Variants in CCPG1 observed in about 807,000 individuals in gnomAD.
CCPG1 encodes cell cycle progression protein 1.
In CCPG1, 46 loss-of-function variants were observed where a neutral mutation model predicts 81.3. The observed-to-expected ratio is 0.57, with a 90% CI of 0.45 to 0.72. The LOEUF (loss-of-function observed/expected upper bound fraction) is 0.72, where lower values mean the gene tolerates loss of function less well. Among genes scored for constraint, CCPG1 ranks in the 30% least tolerant of loss-of-function variants. The probability of loss-of-function intolerance (pLI) is 0.00; values close to 1 mark genes in which losing one functional copy is unlikely to be tolerated. For synonymous variants in CCPG1, 330 were observed against 305.2 expected, an observed-to-expected ratio of 1.08 and a Z score of -0.85; for missense variants, 902 against 937.6, an observed-to-expected ratio of 0.96 and a Z score of 0.50.
chr15:55,358,568 C>T (rs2056129167), intron 8 of CCPG1: 2 of 985,314 alleles, frequency 2.0e-6, no homozygotes, highest in African/African-American at 1.7e-5. Context: ...AAATTCCCTT[C>T]CCTGTCTGCA....
At chr15:55,400,285 C>T (rs994927667) in intron 1 of CCPG1, among the ~76,000 whole-genome samples, 4 of 142,570 alleles carry the variant, frequency 2.8e-5, no homozygotes, top group East Asian at 2.1e-4. Flanking sequence ...CCGAAGTGGG[C>T]GGATCACGAG....
At chr15:55,369,110 T>TA (rs2056393718) in intron 6 of CCPG1, among the ~76,000 whole-genome samples, 6 of 137,544 alleles carry the variant, frequency 4.4e-5, no homozygotes. Flanking sequence ...AGACTCTGTC[T>TA]CAAAAAAAAA....
intron 1 of CCPG1, among the ~76,000 whole-genome samples, chr15:55,405,858 T>C (rs72744169): frequency 0.23 from 35,576 of 152,198 alleles, 5,295 homozygotes; most frequent in Non-Finnish European, 0.34. Context: ...CTGTGTTTTT[T>C]ACTGTTGTTG....
intron 8 of CCPG1, chr15:55,357,135 C>T: frequency 1.0e-6 from 1 of 977,806 alleles, no homozygotes. Context: ...GCCAACTAAC[C>T]CTCTCCACTT....
chr15:55,362,278 G>A (rs1423134135), intron 7 of CCPG1, among the ~76,000 whole-genome samples: 2 of 151,008 alleles, frequency 1.3e-5, no homozygotes, highest in Middle Eastern at 3.2e-3. Flanking sequence ...CAAACGTTAT[G>A]GTTACCCCAT....
At chr15:55,364,216 G>C (rs1398478247) in intron 7 of CCPG1, among the ~76,000 whole-genome samples, 1 of 150,512 alleles carries the variant, frequency 6.6e-6, no homozygotes, top group African/African-American at 2.4e-5. Context: ...AGAGGTGTTA[G>C]GTAATGACAG....
chr15:55,382,654 C>T (rs2056724243), intron 3 of CCPG1, among the ~76,000 whole-genome samples: 1 of 152,098 alleles, frequency 6.6e-6, no homozygotes, highest in Non-Finnish European at 1.5e-5. Flanking sequence ...GGACTACAGG[C>T]GCCTGCCACC....
chr15:55,359,206 T>C (rs1005779031), intron 8 of CCPG1: 4 of 1,004,700 alleles, frequency 4.0e-6, no homozygotes, highest in African/African-American at 1.7e-5. Context: ...TAAAGGAAAA[T>C]AATTTCACTT....
chr15:55,359,118 T>C, intron 8 of CCPG1: 1 of 983,196 alleles, frequency 1.0e-6, no homozygotes, highest in Non-Finnish European at 1.2e-6. Context: ...AATTATTATA[T>C]ATGAGCTCTT....
chr15:55,384,774 C>G (rs1376457780), intron 3 of CCPG1, among the ~76,000 whole-genome samples: 2 of 152,144 alleles, frequency 1.3e-5, no homozygotes, highest in African/African-American at 4.8e-5. Context: ...TTGCTCAACA[C>G]AGGGTTGCCA....
rs1391465521 is a variant in CCPG1 at position 55,359,769 on chromosome 15, C to T, written c.2004G>A (p.Leu668=). 9.3e-6 allele frequency: 15 copies of T among 1,613,234 alleles called. No homozygotes were observed. The highest frequency in any genetic ancestry group is 1.3e-5 in the Non-Finnish European group (15 of 1,179,866). ...QIIQRYMLKE[L]DTFCHWNELD... ...GTTCGTTCCAGTGACAAAAAGTATC[C>T]AGTTCTTTTAACATGTACCTTTGAA... The change falls in exon 8 of 9, where the codon CTG becomes CTA. Residue 668 remains leucine, a synonymous_variant. Transcript: ENST00000442196.
intron 8 of CCPG1, 89 bp from the exon 9 acceptor site, chr15:55,356,498 T>C (rs1022466022): frequency 7.6e-7 from 1 of 1,314,528 alleles, no homozygotes; most frequent in Non-Finnish European, 1.0e-6. Flanking sequence ...CATTAATCTA[T>C]GATCTGAACA....
At chr15:55,404,686 C>T (rs2057183472) in intron 1 of CCPG1, among the ~76,000 whole-genome samples, 1 of 152,202 alleles carries the variant, frequency 6.6e-6, no homozygotes, top group Non-Finnish European at 1.5e-5. Flanking sequence ...GTATCCAGCA[C>T]TCTGGGAGGC....
intron 1 of CCPG1, among the ~76,000 whole-genome samples, chr15:55,393,563 G>T (rs1022110697): frequency 2.0e-5 from 3 of 152,168 alleles, no homozygotes; most frequent in Non-Finnish European, 4.4e-5. Context: ...GTTGATGAGG[G>T]AAAGGGTTTA....
At position 55,400,375 on chromosome 15, in the gene CCPG1, G is replaced by A. The variant is rs149416131; in HGVS notation, c.-10+7846C>T. Among the ~76,000 whole-genome samples, 1,008 of 151,930 alleles carry A rather than the reference G, an allele frequency of 6.6e-3. 20 individuals are homozygous for A. Among genetic ancestry groups the A allele is most frequent in the African/African-American group, 0.023 (968 of 41,410 alleles). On this transcript the variant is annotated intron_variant, in intron 1 of 8. Transcript: ENST00000442196. The stretch of plus-strand genomic sequence containing the variant: ...ATAGAAAAATTAGCCAGGCATGATG[G>A]TGCGTGCCTGTAATCCCAGCTACTT...
intron 1 of CCPG1, among the ~76,000 whole-genome samples, 177 bp from the exon 2 acceptor site, chr15:55,389,610 T>C (rs1435716910): frequency 6.6e-6 from 1 of 152,152 alleles, no homozygotes; most frequent in Admixed American, 6.6e-5. Context: ...TATGAACAGA[T>C]AGAAGCAAAC....
chr15:55,381,554 G>C (rs1005763853), intron 3 of CCPG1, among the ~76,000 whole-genome samples: 4 of 152,172 alleles, frequency 2.6e-5, no homozygotes, highest in Non-Finnish European at 5.9e-5. Context: ...AAAAAGATGA[G>C]AATCACTTTT....
intron 2 of CCPG1, among the ~76,000 whole-genome samples, chr15:55,386,753 C>G (rs892304945): frequency 1.3e-5 from 2 of 151,926 alleles, no homozygotes; most frequent in South Asian, 2.1e-4. Flanking sequence ...AAAAAATAGC[C>G]GAGCGTGGTG....
chr15:55,364,432 AAAT>A (rs1317153763), intron 7 of CCPG1, among the ~76,000 whole-genome samples: 3 of 150,778 alleles, frequency 2.0e-5, no homozygotes, highest in African/African-American at 7.3e-5. Context: ...CGCTCTGTGA[AAAT>A]AATGTTAATA....
Sources: allele counts gnomAD v4.1 joint callset (sites outside exome capture counted in the v4.1 genomes callset), GRCh38; gene constraint gnomAD v4.1.1; transcripts MANE v1.5; gene names NCBI Gene and HGNC (gene_info 2026-07-23, HGNC 2026-07-21).